Variants in FAM193A observed in about 807,000 individuals in gnomAD.
The protein encoded by FAM193A is family with sequence similarity 193 member A.
Under a neutral mutation model 126.5 loss-of-function variants are expected in FAM193A, and 22 were observed. The observed-to-expected ratio is 0.17, with a 90% confidence interval of 0.12 to 0.25. The LOEUF is 0.25. FAM193A is among the 10% of genes least tolerant of loss of function. FAM193A has a pLI of 1.00. For missense variants in FAM193A, 1,675 were observed against 1,672.8 expected (o/e 1.00, Z -0.02); for synonymous variants, 761 against 646.8 (o/e 1.18, Z -2.68).
Position 2,660,033 on chromosome 4 carries a change from A to G in FAM193A, c.1724A>G (p.Asp575Gly). The change falls in exon 10 of 21, where the codon GAC (aspartate) becomes GGC (glycine). Residue 575 changes from aspartate to glycine, a missense_variant. This residue lies in a region of FAM193A where 1,186 missense variants were observed against 1,109.2 expected (regional missense o/e 1.07). Coordinates refer to ENST00000637812, the MANE Select transcript of FAM193A (RefSeq NM_001366318.2). Reference sequence around the variant, plus strand: ...CAGCACCCCAGGCTCATCCTCACAGACAGTGGCTCGGCACCAACTTTGTAA... The same window carrying G: ...CAGCACCCCAGGCTCATCCTCACAGGCAGTGGCTCGGCACCAACTTTGTAA... ...IQQHPRLILTDSGSAPTFCSD... is the reference protein window; with the variant it reads ...IQQHPRLILTGSGSAPTFCSD... 1 of 1,614,026 alleles carries G rather than the reference A, an allele frequency of 6.2e-7. No homozygotes were observed. The highest frequency in any genetic ancestry group is 8.5e-7 in the Non-Finnish European group (1 of 1,179,892).
intron 2 of FAM193A, among the ~76,000 whole-genome samples, chr4:2,613,156 A>C (rs1741977723): frequency 6.6e-6 from 1 of 152,148 alleles, no homozygotes; most frequent in Non-Finnish European, 1.5e-5. Context: ...AAAACTTTCC[A>C]GACAGGCACA....
intron 1 of FAM193A, among the ~76,000 whole-genome samples, chr4:2,575,292 G>C (rs1450714751): frequency 6.6e-6 from 1 of 152,182 alleles, no homozygotes; most frequent in African/African-American, 2.4e-5. Flanking sequence ...CAGGGACTTG[G>C]ACATGGTGAT....
rs56875674 is a variant in FAM193A at position 2,721,312 on chromosome 4, C to CAA, written c.4454+5236_4454+5237dup. ...TGGGCAACAGAGCAAGACTCCGTCT[C>CAA]AAAAAAAAAAAAAAAAAAAAAAAAA... is the stretch of plus-strand genomic sequence containing the variant. On this transcript the variant is annotated intron_variant, in intron 20 of 20. Transcript: ENST00000637812. Among the ~76,000 whole-genome samples the CAA allele has an allele frequency of 7.0e-4, 49 of 70,010 alleles. 5 individuals carry two copies. The highest frequency in any genetic ancestry group is 2.5e-3 in the African/African-American group (40 of 15,820). 45.9% of individuals were successfully genotyped at this position (70,010 alleles called of 152,430 possible). A position where few individuals can be genotyped will look rare whatever the true frequency, so the allele number is the denominator to read the frequency against.
intron 10 of FAM193A, among the ~76,000 whole-genome samples, 180 bp from the exon 11 acceptor site, chr4:2,662,658 C>A (rs962214697): frequency 3.3e-5 from 5 of 152,026 alleles, no homozygotes; most frequent in African/African-American, 1.2e-4. Flanking sequence ...GTTAATCTTC[C>A]AAGCATTTTT....
rs547736997 is a variant in FAM193A, at chr4:2,551,454, T to C, written c.255+14284T>C. ...CATTTGGAATGCTTAATCTGTAGTATTAATGCTGGCTTCATTAAAGTAAGA... is the reference window on the plus strand; with the variant it reads ...CATTTGGAATGCTTAATCTGTAGTACTAATGCTGGCTTCATTAAAGTAAGA... On this transcript the variant is annotated intron_variant, in intron 1 of 20. Coordinates refer to ENST00000637812, the MANE Select transcript of FAM193A (RefSeq NM_001366318.2). Among the ~76,000 whole-genome samples, 5 of 152,366 alleles carry C rather than the reference T, an allele frequency of 3.3e-5. No homozygotes were observed. In the South Asian group the frequency reaches 1.0e-3, roughly 32 times the overall value.
rs1373984002 is a variant in FAM193A, at chr4:2,539,191, C to T, written c.255+2021C>T. Among the ~76,000 whole-genome samples, 7 of 152,276 alleles carry T rather than the reference C, an allele frequency of 4.6e-5. No individual in the cohort carries two copies. In the East Asian group the frequency reaches 9.6e-4, roughly 21 times the overall value. On this transcript the variant is annotated intron_variant, in intron 1 of 20. Transcript: ENST00000637812. The stretch of plus-strand genomic sequence containing the variant: ...ACAGGCGTGAGCCACCGTGCCCAGC[C>T]CTGCCTTTATTATTTTTGTCGCGTT...
intron 6 of FAM193A, among the ~76,000 whole-genome samples, chr4:2,644,232 T>G (rs751822986): frequency 5.9e-4 from 90 of 152,206 alleles, no homozygotes; most frequent in Middle Eastern, 3.4e-3. Flanking sequence ...CCCCACCCAC[T>G]TTGCTCTCCC....
At position 2,696,345 on chromosome 4, in the gene FAM193A, C is replaced by CTT. The variant is rs1560580607; in HGVS notation, c.3277-16_3277-15dup. 2 of 1,565,824 alleles carry CTT rather than the reference C, an allele frequency of 1.3e-6. No individual in the cohort carries two copies. Among genetic ancestry groups the CTT allele is most frequent in the Admixed American group, 3.6e-5 (2 of 55,926 alleles). The stretch of plus-strand genomic sequence containing the variant: ...CAAAATTTTTAAAACTTAAGCATAA[C>CTT]TTTGTTGTTTTTCTCAGCCTCCAGC... On this transcript the variant is annotated splice_polypyrimidine_tract_variant and intron_variant, in intron 17 of 20. Coordinates refer to ENST00000637812, the MANE Select transcript of FAM193A (RefSeq NM_001366318.2).
chr4:2,702,469 G>C (rs1360640532), intron 19 of FAM193A, among the ~76,000 whole-genome samples: 1 of 152,138 alleles, frequency 6.6e-6, no homozygotes, highest in Admixed American at 6.5e-5. Flanking sequence ...ACCCAGACCT[G>C]GACACTGCCA....
At position 2,699,753 on chromosome 4, in the gene FAM193A, G is replaced by C. The variant is rs773722072; in HGVS notation, c.3581G>C (p.Arg1194Pro). The C allele has an allele frequency of 2.5e-6, 4 of 1,613,764 alleles. No individual in the cohort carries two copies. The African/African-American group carries it at 5.3e-5, about 22-fold the overall frequency. Residue 1194 changes from arginine to proline, a missense_variant, in exon 19 of 21, where the codon CGG (arginine) becomes CCG (proline). Transcript: ENST00000637812. ...EHLHLQEEQR[R>P]REEEEDEEEE... Reference sequence around the variant, plus strand: ...CTGCACCTCCAGGAGGAGCAGAGGCGGCGGGAGGAGGAGGAGGATGAGGAA... The same window carrying C: ...CTGCACCTCCAGGAGGAGCAGAGGCCGCGGGAGGAGGAGGAGGATGAGGAA...
intron 1 of FAM193A, among the ~76,000 whole-genome samples, chr4:2,592,361 T>A (rs999344666): frequency 2.0e-5 from 3 of 152,214 alleles, no homozygotes; most frequent in African/African-American, 7.2e-5. Context: ...GTGTTGGGAT[T>A]ACAGGTGTGA....
chr4:2,583,956 G>GC (rs1456497928), intron 1 of FAM193A, among the ~76,000 whole-genome samples: 2 of 152,158 alleles, frequency 1.3e-5, no homozygotes, highest in Admixed American at 1.3e-4. Context: ...TTGAGGAACA[G>GC]AAGTTTTTTG....
chr4:2,696,029 A>AAAATAAATAAATAAATAAAT (rs4040736), intron 17 of FAM193A, among the ~76,000 whole-genome samples: 2 of 150,272 alleles, frequency 1.3e-5, no homozygotes, highest in African/African-American at 4.9e-5. Context: ...CCTTGTCTCA[A>AAAATAAATAAATAAATAAAT]AAATAAATAA....
At chr4:2,678,706 A>C (rs1463157108) in intron 13 of FAM193A, among the ~76,000 whole-genome samples, 1 of 152,198 alleles carries the variant, frequency 6.6e-6, no homozygotes, top group Middle Eastern at 3.2e-3. Flanking sequence ...AATTGTTTTC[A>C]TAATTTCCTT....
chr4:2,540,885 T>C (rs1466780626), intron 1 of FAM193A, among the ~76,000 whole-genome samples: 6 of 149,388 alleles, frequency 4.0e-5, no homozygotes, highest in Non-Finnish European at 8.9e-5. Flanking sequence ...CACTTGAACC[T>C]GGGAGACGGA....
chr4:2,574,304 G>A (rs1166033127), intron 1 of FAM193A, among the ~76,000 whole-genome samples: 1 of 152,054 alleles, frequency 6.6e-6, no homozygotes, highest in Non-Finnish European at 1.5e-5. Flanking sequence ...GACTGAGAGG[G>A]CCGGCCTGTC....
intron 15 of FAM193A, among the ~76,000 whole-genome samples, chr4:2,693,331 T>A (rs1030345609): frequency 4.6e-5 from 7 of 152,084 alleles, no homozygotes; most frequent in Admixed American, 6.5e-5. Context: ...AAATTTTTTT[T>A]AAAAAACCAA....
intron 12 of FAM193A, among the ~76,000 whole-genome samples, chr4:2,664,389 G>C (rs1712846313): frequency 6.6e-6 from 1 of 151,958 alleles, no homozygotes; most frequent in Non-Finnish European, 1.5e-5. Context: ...AAAATCAATG[G>C]ACTGTAAATG....
intron 1 of FAM193A, among the ~76,000 whole-genome samples, chr4:2,563,234 C>T (rs1320398790): frequency 1.3e-5 from 2 of 152,196 alleles, no homozygotes; most frequent in African/African-American, 4.8e-5. Flanking sequence ...TGAGCCACTG[C>T]GCCTGGCCTT....
Sources: allele counts gnomAD v4.1 joint callset (sites outside exome capture counted in the v4.1 genomes callset), GRCh38; gene constraint gnomAD v4.1.1; regional missense constraint gnomAD v4.1.1; transcripts MANE v1.5; gene names NCBI Gene and HGNC (gene_info 2026-07-23, HGNC 2026-07-21).